ABLIM2: variants seen among roughly 807,000 people sequenced by gnomAD.
The protein encoded by ABLIM2 is actin binding LIM protein family member 2.
ABLIM2 carries 53 observed loss-of-function variants against 97.7 expected under a neutral mutation model. The ratio of observed to expected loss-of-function variants is 0.54; its 90% confidence interval spans 0.44 to 0.68. ABLIM2 has a LOEUF of 0.68. ABLIM2 is among the 30% of genes least tolerant of loss of function. The pLI is 0.00. For missense variants in ABLIM2, 835 were observed against 867.2 expected (o/e 0.96, Z 0.47); for synonymous variants, 361 against 345.8 (o/e 1.04, Z -0.49).
chr4:8,115,728 C>T (rs1842501932), intron 1 of ABLIM2, among the ~76,000 whole-genome samples: 1 of 152,210 alleles, frequency 6.6e-6, no homozygotes, highest in African/African-American at 2.4e-5. Context: ...CGACCCTTCT[C>T]CTATTACCTG....
rs150495526 is a variant in ABLIM2 at position 8,004,009 on chromosome 4, G to A, written c.1618+4050C>T. Among the ~76,000 whole-genome samples, 78 of 152,172 alleles carry A rather than the reference G, an allele frequency of 5.1e-4. 2 individuals are homozygous for A. The highest frequency in any genetic ancestry group is 3.9e-3 in the East Asian group (20 of 5,156). On this transcript the variant is annotated intron_variant, in intron 16 of 20. Coordinates refer to ENST00000447017, the MANE Select transcript of ABLIM2 (RefSeq NM_001130083.2). This position sits in a 1 kb window ranked among gnomAD's most constrained non-coding sequence, Gnocchi z 5.9. Reference sequence around the variant, plus strand: ...TCAGGGAGGCTCTTCCTTCGACCACGGACTAAGGAACGCGAGAAGAACTCT... The same window carrying A: ...TCAGGGAGGCTCTTCCTTCGACCACAGACTAAGGAACGCGAGAAGAACTCT...
At chr4:7,994,035 C>T in intron 16 of ABLIM2, 1 of 458,532 alleles carries the variant, frequency 2.2e-6, no homozygotes, top group Middle Eastern at 3.4e-4. Flanking sequence ...AGGGGCAGAG[C>T]CTGGACCCTG....
chr4:8,098,368 C>T (rs1036044946), intron 2 of ABLIM2, among the ~76,000 whole-genome samples: 4 of 152,216 alleles, frequency 2.6e-5, no homozygotes, highest in East Asian at 1.9e-4. Flanking sequence ...TTGCAAAGGA[C>T]GTCGTTTCTG....
rs1047930318 is a variant in ABLIM2, at chr4:8,112,532, C to T, written c.11-5895G>A. ...CTTGCAGGCCGCAGGATGGAGGGGT[C>T]AGATCAGGGGTGGCTATCAGAAAGA... is the stretch of plus-strand genomic sequence containing the variant. On this transcript the variant is annotated intron_variant, in intron 1 of 20. Transcript: ENST00000447017. This position sits in a 1 kb window ranked among gnomAD's most constrained non-coding sequence, Gnocchi z 4.2. Among the ~76,000 whole-genome samples, 1 of 152,234 alleles carries T rather than the reference C, an allele frequency of 6.6e-6. No homozygotes were observed. The highest frequency in any genetic ancestry group is 2.1e-4 in the South Asian group (1 of 4,814).
intron 6 of ABLIM2, among the ~76,000 whole-genome samples, chr4:8,073,676 C>G (rs1478903741): frequency 6.6e-6 from 1 of 152,216 alleles, no homozygotes; most frequent in Non-Finnish European, 1.5e-5. Context: ...ACTTATAGGA[C>G]AGACAGAACA....
chr4:8,113,082 C>T lies in ABLIM2; in HGVS notation c.11-6445G>A, dbSNP rs1008153185. On this transcript the variant is annotated intron_variant, in intron 1 of 20. Transcript: ENST00000447017. The surrounding 1 kb of genome is among the most constrained non-coding windows in gnomAD (Gnocchi z 4.5). ...CCAGACAGCAGAGTCCTCATCATTC[C>T]GTGATCTCTGGGAATCTTTTTTCTT... is the stretch of plus-strand genomic sequence containing the variant. Among the ~76,000 whole-genome samples the T allele has an allele frequency of 2.0e-5, 3 of 152,126 alleles. No homozygotes were observed. Among genetic ancestry groups the T allele is most frequent in the East Asian group, 1.9e-4 (1 of 5,186 alleles).
chr4:8,012,002 A>C (rs912291856), intron 14 of ABLIM2, among the ~76,000 whole-genome samples: 1 of 151,882 alleles, frequency 6.6e-6, no homozygotes, highest in African/African-American at 2.4e-5. Flanking sequence ...TCACCCTTTT[A>C]CCTACTTATC....
chr4:7,971,372 A>G (rs1727876221), intron 20 of ABLIM2, among the ~76,000 whole-genome samples: 1 of 152,132 alleles, frequency 6.6e-6, no homozygotes, highest in Non-Finnish European at 1.5e-5. Context: ...GCACAGCTGG[A>G]AGGAAGGAAG....
rs1165087624 is a variant in ABLIM2, at chr4:8,148,366, G to A, written c.10+10314C>T. On this transcript the variant is annotated intron_variant, in intron 1 of 20. Transcript: ENST00000447017. This position sits in a 1 kb window ranked among gnomAD's most constrained non-coding sequence, Gnocchi z 6.7. The stretch of plus-strand genomic sequence containing the variant: ...CCCACTGGATTCCAGAGGGGGCTCT[G>A]GGCCTACAGTGAAGCAGGGCCCACA... Among the ~76,000 whole-genome samples, 1 of 152,176 alleles carries A rather than the reference G, an allele frequency of 6.6e-6. No individual in the cohort carries two copies. The highest frequency in any genetic ancestry group is 2.4e-5 in the African/African-American group (1 of 41,436).
chr4:8,050,788 G>A (rs1209591930), intron 8 of ABLIM2, among the ~76,000 whole-genome samples: 1 of 152,226 alleles, frequency 6.6e-6, no homozygotes, highest in Non-Finnish European at 1.5e-5. Flanking sequence ...GAACCATTAG[G>A]CCGGGAGCCA....
chr4:8,021,449 G>GA lies in ABLIM2; in HGVS notation c.1268-1147dup, dbSNP rs1773652502. ...CGTTCCTCCCACCTGCCAGCCCCAG[G>GA]AAGCCCCCTCAGCACTAGGCAATGG... On this transcript the variant is annotated intron_variant, in intron 12 of 20. Coordinates refer to ENST00000447017, the MANE Select transcript of ABLIM2 (RefSeq NM_001130083.2). The surrounding 1 kb of genome is among the most constrained non-coding windows in gnomAD (Gnocchi z 5.5). 6.6e-6 allele frequency among the ~76,000 whole-genome samples: 1 copy of GA among 152,202 alleles called. No individual in the cohort carries two copies. Among genetic ancestry groups the GA allele is most frequent in the Non-Finnish European group, 1.5e-5 (1 of 68,038 alleles).
Position 8,149,515 on chromosome 4 carries a change from A to AGCAGAGG in ABLIM2, c.10+9158_10+9164dup, listed in dbSNP as rs1711851145. Among the ~76,000 whole-genome samples the AGCAGAGG allele has an allele frequency of 6.6e-6, 1 of 151,902 alleles. No homozygotes were observed. Among genetic ancestry groups the AGCAGAGG allele is most frequent in the African/African-American group, 2.4e-5 (1 of 41,384 alleles). On this transcript the variant is annotated intron_variant, in intron 1 of 20. Coordinates refer to ENST00000447017, the MANE Select transcript of ABLIM2 (RefSeq NM_001130083.2). The surrounding 1 kb of genome is among the most constrained non-coding windows in gnomAD (Gnocchi z 6.4). Reference sequence around the variant, plus strand: ...TCCACAGGTTCAGAGGAAGGAGGGAAGCAGAGGGCCTAGAGATGGGAAGAA... The same window carrying AGCAGAGG: ...TCCACAGGTTCAGAGGAAGGAGGGAAGCAGAGGGCAGAGGGCCTAGAGATGGGAAGAA...
chr4:8,158,668 C>T lies in ABLIM2; in HGVS notation c.10+12G>A, dbSNP rs1716234361. ...GCGGGGACCCGTTGGTCCCTCGGTC[C>T]CCAGCACCCACCTGCACTCATCTCA... On this transcript the variant is annotated intron_variant, in intron 1 of 20. Coordinates refer to ENST00000447017, the MANE Select transcript of ABLIM2 (RefSeq NM_001130083.2). 3 of 1,503,732 alleles carry T rather than the reference C, an allele frequency of 2.0e-6. No individual in the cohort carries two copies. The highest frequency in any genetic ancestry group is 2.7e-6 in the Non-Finnish European group (3 of 1,131,426). The allele number at this position is 1,503,732 out of a possible 1,614,324, so 93.1% of individuals were successfully genotyped here. A position where few individuals can be genotyped will look rare whatever the true frequency, so the allele number is the denominator to read the frequency against.
At chr4:8,151,870 G>A (rs1410073411) in intron 1 of ABLIM2, among the ~76,000 whole-genome samples, 1 of 151,086 alleles carries the variant, frequency 6.6e-6, no homozygotes, top group African/African-American at 2.4e-5. Context: ...GGGTGGGGGA[G>A]TCGGAGCAGA....
Position 8,045,162 on chromosome 4 carries a change from A to AAGC in ABLIM2, c.900+1_900+2insGCT. 6.2e-7 allele frequency: 1 copy of AAGC among 1,613,570 alleles called. No individual in the cohort carries two copies. The highest frequency in any genetic ancestry group is 8.5e-7 in the Non-Finnish European group (1 of 1,179,490). On this transcript the variant is annotated splice_donor_variant, in intron 9 of 20. Transcript: ENST00000447017. LOFTEE classifies it high-confidence loss of function. The stretch of plus-strand genomic sequence containing the variant: ...CGTCCCCATAAAAAGGCCCTGACTT[A>AAGC]CATAAATCACACGGCTCGGAGACCC...
chr4:8,047,307 C>T (rs1459356892), intron 8 of ABLIM2, among the ~76,000 whole-genome samples: 2 of 152,194 alleles, frequency 1.3e-5, no homozygotes, highest in Non-Finnish European at 2.9e-5. Context: ...CCTCTCCATG[C>T]CCCGTGTCTC....
At chr4:8,108,709 T>C (rs1316870842) in intron 1 of ABLIM2, among the ~76,000 whole-genome samples, 1 of 152,196 alleles carries the variant, frequency 6.6e-6, no homozygotes, top group Non-Finnish European at 1.5e-5. Flanking sequence ...GCCGACAGCC[T>C]CCATGGGGGC....
chr4:8,106,485 G>A lies in ABLIM2; in HGVS notation c.154+9C>T, dbSNP rs199635083. The A allele has an allele frequency of 5.7e-6, 9 of 1,588,982 alleles. No homozygotes were observed. Among genetic ancestry groups the A allele is most frequent in the African/African-American group, 1.3e-5 (1 of 74,516 alleles). On this transcript the variant is annotated intron_variant, in intron 2 of 20. Coordinates refer to ENST00000447017, the MANE Select transcript of ABLIM2 (RefSeq NM_001130083.2). ...GGGGCCACACTGCAGGGGACCGGGG[G>A]ACACTCACCTTTACAGACGAAGCAC...
Position 7,996,095 on chromosome 4 carries a change from G to C in ABLIM2, c.1619-3168C>G, listed in dbSNP as rs1753130810. On this transcript the variant is annotated intron_variant, in intron 16 of 20. Transcript: ENST00000447017. The surrounding 1 kb of genome is among the most constrained non-coding windows in gnomAD (Gnocchi z 4.5). ...CCGAGGGCCCCTCCAGCTGCAGCGG[G>C]AGCTCCTTATCAGCAAAGGTGCTAG... is the stretch of plus-strand genomic sequence containing the variant. 2.6e-5 allele frequency among the ~76,000 whole-genome samples: 4 copies of C among 152,176 alleles called. No homozygotes were observed. The highest frequency in any genetic ancestry group is 2.9e-5 in the Non-Finnish European group (2 of 68,024).
Sources: gnomAD v4.1 joint callset for allele counts (sites outside exome capture counted in the v4.1 genomes callset) on GRCh38, gnomAD v4.1.1 for gene constraint, Gnocchi (gnomAD v3.1) non-coding constraint, MANE v1.5 for transcripts, NCBI Gene and HGNC (gene_info 2026-07-23, HGNC 2026-07-21) for gene names.